Variants in CSNK1A1 observed in about 807,000 individuals in gnomAD.
CSNK1A1 encodes the protein casein kinase I isoform alpha.
In CSNK1A1, 7 loss-of-function variants were observed where a neutral mutation model predicts 46.1. The observed-to-expected ratio is 0.15, with a 90% CI of 0.09 to 0.29. The LOEUF (loss-of-function observed/expected upper bound fraction) is 0.29. Ranked by LOEUF, CSNK1A1 falls within the 10% of genes least tolerant of loss-of-function variation. The probability of loss-of-function intolerance (pLI) is 1.00; values close to 1 mark genes in which losing one functional copy is unlikely to be tolerated. For synonymous variants in CSNK1A1, 137 were observed against 141.5 expected (o/e 0.97, Z 0.23); for missense variants, 96 against 417.1 (o/e 0.23, Z 6.71).
At position 149,505,556 on chromosome 5, in the gene CSNK1A1, T is replaced by C; in HGVS notation, c.897A>G (p.Thr299=). The part of the protein sequence containing the change: ...NHQYDYTFDW[T]MLKQKAAQQA... ...GCTGTGCTGCTTTCTGCTTTAACAT[T>C]GTCCAATCAAATGTGTAGTCATATT... is the stretch of plus-strand genomic sequence containing the variant. The change falls in exon 9 of 10, where the codon ACA becomes ACG. Residue 299 remains threonine (T), a synonymous_variant. Transcript: ENST00000377843. 1 of 1,614,146 alleles carries C rather than the reference T, an allele frequency of 6.2e-7. No individual in the cohort carries two copies. Among genetic ancestry groups the C allele is most frequent in the Non-Finnish European group, 8.5e-7 (1 of 1,180,034 alleles).
Position 149,550,760 on chromosome 5 carries a change from G to A in CSNK1A1, c.123+82C>T. On this transcript the variant is annotated intron_variant, in intron 1 of 9. Coordinates refer to ENST00000377843, the MANE Select transcript of CSNK1A1 (RefSeq NM_001892.6). The surrounding 1 kb of genome is among the most constrained non-coding windows in gnomAD (Gnocchi z 4.3). ...GAGTGCGTGCGATGAGGAGAGGCCCGAGCACTTTGGGGGTGCACGGTGGTG... is the reference window on the plus strand; with the variant it reads ...GAGTGCGTGCGATGAGGAGAGGCCCAAGCACTTTGGGGGTGCACGGTGGTG... 2.5e-6 allele frequency: 4 copies of A among 1,589,212 alleles called. No individual in the cohort carries two copies. The highest frequency in any genetic ancestry group is 2.6e-6 in the Non-Finnish European group (3 of 1,164,390).
intron 2 of CSNK1A1, among the ~76,000 whole-genome samples, chr5:149,534,408 C>T (rs745803523): frequency 4.1e-5 from 6 of 146,500 alleles, no homozygotes; most frequent in African/African-American, 1.3e-4. Flanking sequence ...TGCTTGAACC[C>T]GGGAGGCGGG....
chr5:149,546,769 G>C (rs1762496414), intron 2 of CSNK1A1, among the ~76,000 whole-genome samples: 1 of 152,086 alleles, frequency 6.6e-6, no homozygotes, highest in South Asian at 2.1e-4. Context: ...TAAAACAATA[G>C]ATAACACATA....
At chr5:149,500,341 G>A (rs1760805442) in intron 9 of CSNK1A1, among the ~76,000 whole-genome samples, 1 of 152,102 alleles carries the variant, frequency 6.6e-6, no homozygotes, top group African/African-American at 2.4e-5. Flanking sequence ...GTTTCACCAT[G>A]TTAGCCAAGA....
intron 2 of CSNK1A1, among the ~76,000 whole-genome samples, chr5:149,535,854 G>A (rs998084340): frequency 6.6e-6 from 1 of 151,584 alleles, no homozygotes; most frequent in Non-Finnish European, 1.5e-5. Context: ...CCATGTTGGG[G>A]GGACTGGTCT....
chr5:149,534,906 C>CCA (rs1762019214), intron 2 of CSNK1A1, among the ~76,000 whole-genome samples: 1 of 72,528 alleles, frequency 1.4e-5, no homozygotes, highest in Non-Finnish European at 2.9e-5. Context: ...CCTTGTCTCC[C>CCA]AAAAAAAAAA....
chr5:149,540,176 C>CT (rs1280552134), intron 2 of CSNK1A1, among the ~76,000 whole-genome samples: 2 of 152,088 alleles, frequency 1.3e-5, no homozygotes, highest in African/African-American at 4.8e-5. Flanking sequence ...TTCGAAAACC[C>CT]TTTTACAAGT....
intron 2 of CSNK1A1, among the ~76,000 whole-genome samples, chr5:149,546,190 T>TG (rs576281208): frequency 6.2e-4 from 94 of 151,768 alleles, no homozygotes; most frequent in African/African-American, 2.2e-3. Flanking sequence ...GCGTGAGCCA[T>TG]GGCGCCCGGC....
chr5:149,550,222 G>A lies in CSNK1A1; in HGVS notation c.124-41C>T. 1.2e-6 allele frequency: 2 copies of A among 1,603,312 alleles called. No individual in the cohort carries two copies. The highest frequency in any genetic ancestry group is 8.5e-7 in the Non-Finnish European group (1 of 1,174,646). On this transcript the variant is annotated intron_variant, in intron 1 of 9. Transcript: ENST00000377843. This position sits in a 1 kb window ranked among gnomAD's most constrained non-coding sequence, Gnocchi z 4.3. ...GGGATGATGGCATCAACATCCCTAC[G>A]GATTCAATGTCACTTAGGAAAGGAG...
chr5:149,499,045 C>A, intron 9 of CSNK1A1: 1 of 985,368 alleles, frequency 1.0e-6, no homozygotes, highest in Non-Finnish European at 1.2e-6. Flanking sequence ...GTATGACATT[C>A]CAGCCAGGGA....
intron 9 of CSNK1A1, chr5:149,501,442 A>C (rs1184571746): frequency 1.0e-6 from 1 of 985,308 alleles, no homozygotes; most frequent in Admixed American, 6.2e-5. Context: ...CAATTGGTGA[A>C]CTCAGAAAAA....
chr5:149,549,876 G>A (rs1294507878), intron 2 of CSNK1A1, among the ~76,000 whole-genome samples, 199 bp downstream of exon 2: 1 of 152,168 alleles, frequency 6.6e-6, no homozygotes, highest in African/African-American at 2.4e-5. Context: ...ATGGAGCAGT[G>A]TAATACAATG....
intron 2 of CSNK1A1, among the ~76,000 whole-genome samples, chr5:149,543,097 G>T (rs959171739): frequency 1.3e-5 from 2 of 152,096 alleles, no homozygotes; most frequent in Non-Finnish European, 2.9e-5. Context: ...ATACAAATAG[G>T]TTACTTATAT....
intron 4 of CSNK1A1, 138 bp from the exon 5 acceptor site, chr5:149,513,347 G>A: frequency 1.2e-6 from 1 of 802,620 alleles, no homozygotes; most frequent in Non-Finnish European, 1.9e-6. Flanking sequence ...AACAGATAAT[G>A]AACAGACTTA....
At chr5:149,501,659 T>C (rs1437039720) in intron 9 of CSNK1A1, 1 of 985,270 alleles carries the variant, frequency 1.0e-6, no homozygotes, top group South Asian at 4.7e-5. Flanking sequence ...GTTAAGATGA[T>C]GAGAGTACAG....
Position 149,494,151 on chromosome 5 carries a change from T to G in CSNK1A1, c.*2702A>C, listed in dbSNP as rs1283215764. On this transcript the variant is annotated 3_prime_UTR_variant, in exon 10 of 10. Transcript: ENST00000377843. ...TATTTTTATTATAATGAAATTAAAC[T>G]TATGACTATTACAGTATGCTCAGCT... 1 of 152,202 alleles carries G rather than the reference T, an allele frequency of 6.6e-6. No homozygotes were observed. Among genetic ancestry groups the G allele is most frequent in the African/African-American group, 2.4e-5 (1 of 41,446 alleles). The allele number at this position is 152,202 out of a possible 1,614,324, so 9.4% of individuals were successfully genotyped here.
chr5:149,546,925 A>G (rs964565099), intron 2 of CSNK1A1, among the ~76,000 whole-genome samples: 1 of 152,202 alleles, frequency 6.6e-6, no homozygotes, highest in African/African-American at 2.4e-5. Context: ...CCAAATAAAG[A>G]ATGTTTACAT....
At chr5:149,504,294 G>A (rs912314548) in intron 9 of CSNK1A1, 7 of 985,316 alleles carry the variant, frequency 7.1e-6, no homozygotes, top group Non-Finnish European at 8.4e-6. Context: ...CTGCTGGGAT[G>A]AGGATGACAT....
intron 2 of CSNK1A1, among the ~76,000 whole-genome samples, chr5:149,541,565 T>C (rs940707776): frequency 6.6e-6 from 1 of 152,184 alleles, no homozygotes; most frequent in Non-Finnish European, 1.5e-5. Context: ...CCAAGTTAAA[T>C]GATGAAAGTT....
Sources: gnomAD v4.1 joint callset for allele counts (sites outside exome capture counted in the v4.1 genomes callset) on GRCh38, gnomAD v4.1.1 for gene constraint, Gnocchi (gnomAD v3.1) non-coding constraint, MANE v1.5 for transcripts, NCBI Gene and HGNC (gene_info 2026-07-23, HGNC 2026-07-21) for gene names.